The following AK5 variants were observed in gnomAD, a reference collection of about 807,000 sequenced individuals.
AK5 encodes the protein adenylate kinase 5, also known as adenylate kinase isoenzyme 5.
In AK5, 27 loss-of-function variants were observed where a neutral mutation model predicts 69.5. The ratio of observed to expected loss-of-function variants is 0.39; its 90% CI spans 0.29 to 0.54. The LOEUF (loss-of-function observed/expected upper bound fraction) is 0.54. Ranked by LOEUF, AK5 falls within the 20% of genes least tolerant of loss-of-function variation. AK5 has a pLI of 0.71. For missense variants in AK5, 531 were observed against 700.4 expected (o/e 0.76, Z 2.73); for synonymous variants, 260 against 244.4 (o/e 1.06, Z -0.60).
intron 8 of AK5, among the ~76,000 whole-genome samples, chr1:77,440,958 A>C (rs559319164): frequency 1.3e-5 from 2 of 152,300 alleles, no homozygotes; most frequent in South Asian, 4.1e-4. Flanking sequence ...CATGTTGGCC[A>C]GGCTGGTCTC....
intron 6 of AK5, among the ~76,000 whole-genome samples, chr1:77,382,748 A>G (rs970219290): frequency 6.6e-6 from 1 of 152,194 alleles, no homozygotes; most frequent in African/African-American, 2.4e-5. Context: ...GGTTTCCTCA[A>G]CTGCTAATAA....
intron 10 of AK5, among the ~76,000 whole-genome samples, chr1:77,489,470 G>C (rs1655838216): frequency 6.6e-6 from 1 of 152,192 alleles, no homozygotes; most frequent in Non-Finnish European, 1.5e-5. Flanking sequence ...ACAGGTGGCA[G>C]AATGGTATTT....
chr1:77,530,558 T>C (rs751962483), intron 12 of AK5, among the ~76,000 whole-genome samples: 18 of 152,210 alleles, frequency 1.2e-4, no homozygotes, highest in Non-Finnish European at 2.4e-4. Flanking sequence ...ACCAGTGGGA[T>C]ACTTTACAGG....
intron 10 of AK5, among the ~76,000 whole-genome samples, chr1:77,515,504 C>T (rs545591986): frequency 6.6e-6 from 1 of 152,268 alleles, no homozygotes; most frequent in Non-Finnish European, 1.5e-5. Flanking sequence ...AGCAAGAAAA[C>T]TTTGTCAGGC....
intron 12 of AK5, among the ~76,000 whole-genome samples, chr1:77,525,857 A>G (rs913347385): frequency 2.6e-5 from 4 of 152,168 alleles, no homozygotes; most frequent in Admixed American, 2.6e-4. Context: ...GTAGCTTAGT[A>G]ATAAGTTTTG....
intron 7 of AK5, among the ~76,000 whole-genome samples, chr1:77,415,263 T>G (rs1469262857): frequency 6.6e-6 from 1 of 152,218 alleles, no homozygotes; most frequent in African/African-American, 2.4e-5. Context: ...ATCCGTTAAC[T>G]GAGTTGTTTA....
intron 6 of AK5, among the ~76,000 whole-genome samples, chr1:77,375,014 A>G (rs897449894): frequency 3.9e-5 from 6 of 152,156 alleles, no homozygotes; most frequent in African/African-American, 1.4e-4. Context: ...TGCTTATTAC[A>G]TGCCAGGCAA....
chr1:77,416,355 G>A (rs1180240547), intron 7 of AK5, among the ~76,000 whole-genome samples: 1 of 152,162 alleles, frequency 6.6e-6, no homozygotes, highest in Admixed American at 6.5e-5. Context: ...TGTGCTGACA[G>A]CATGACTAGC....
intron 8 of AK5, 35 bp downstream of exon 8, chr1:77,417,750 T>A (rs1650528424): frequency 7.6e-7 from 1 of 1,313,276 alleles, no homozygotes; most frequent in Non-Finnish European, 1.1e-6. Context: ...TCTATTTAAA[T>A]GTTTTTAAGT....
At chr1:77,293,749 T>G in intron 2 of AK5, 44 bp from the exon 3 acceptor site, 1 of 1,513,542 alleles carries the variant, frequency 6.6e-7, no homozygotes, top group Non-Finnish European at 9.0e-7. Context: ...GAGTGTTTTA[T>G]TATGGTGTTT....
intron 10 of AK5, among the ~76,000 whole-genome samples, chr1:77,499,076 G>A (rs1656537301): frequency 6.6e-6 from 1 of 152,162 alleles, no homozygotes; most frequent in South Asian, 2.1e-4. Context: ...TTTTACCATA[G>A]GAGATCATTT....
intron 10 of AK5, among the ~76,000 whole-genome samples, chr1:77,503,624 G>A (rs760538340): frequency 2.6e-5 from 4 of 152,174 alleles, no homozygotes; most frequent in South Asian, 2.1e-4. Flanking sequence ...GGTGGAGGCC[G>A]GGCACAGTGG....
intron 5 of AK5, among the ~76,000 whole-genome samples, chr1:77,305,423 T>A (rs1823840): frequency 0.57 from 86,874 of 152,072 alleles, 25,251 homozygotes; most frequent in Admixed American, 0.68. Flanking sequence ...ACCAATGTCC[T>A]GGAGATTTCC....
At chr1:77,315,691 T>C (rs894725255) in intron 5 of AK5, among the ~76,000 whole-genome samples, 11 of 152,296 alleles carry the variant, frequency 7.2e-5, no homozygotes, top group African/African-American at 2.4e-4. Context: ...AGCTCCTATG[T>C]AGGCGACAGG....
intron 6 of AK5, among the ~76,000 whole-genome samples, chr1:77,343,678 A>T (rs952149791): frequency 3.3e-5 from 5 of 152,156 alleles, no homozygotes; most frequent in African/African-American, 1.2e-4. Context: ...TATAATAATC[A>T]ATCCTACCTC....
chr1:77,402,343 G>A (rs1168517470), intron 6 of AK5, among the ~76,000 whole-genome samples: 1 of 151,702 alleles, frequency 6.6e-6, no homozygotes, highest in Non-Finnish European at 1.5e-5. Flanking sequence ...TGTGCACAAC[G>A]TGCAGGTTTG....
At chr1:77,337,333 C>T (rs891839384) in intron 5 of AK5, among the ~76,000 whole-genome samples, 1 of 152,078 alleles carries the variant, frequency 6.6e-6, no homozygotes, top group Admixed American at 6.5e-5. Context: ...AAAATAAACA[C>T]AAAATGTATT....
chr1:77,407,551 T>A (rs1266646583), intron 6 of AK5, among the ~76,000 whole-genome samples: 1 of 152,020 alleles, frequency 6.6e-6, no homozygotes, highest in Non-Finnish European at 1.5e-5. Flanking sequence ...GGGTGATGGG[T>A]ATGTTAACTA....
intron 8 of AK5, among the ~76,000 whole-genome samples, chr1:77,451,258 G>T (rs894024345): frequency 6.6e-6 from 1 of 152,012 alleles, no homozygotes; most frequent in Admixed American, 6.6e-5. Context: ...GTATAAAGAA[G>T]AAAATTAACA....
Sources: gnomAD v4.1 joint callset for allele counts (sites outside exome capture counted in the v4.1 genomes callset) on GRCh38, gnomAD v4.1.1 for gene constraint, MANE v1.5 for transcripts, NCBI Gene and HGNC (gene_info 2026-07-23, HGNC 2026-07-21) for gene names.